Variants in PMS2 observed in about 807,000 individuals in gnomAD.
The protein encoded by PMS2 is mismatch repair endonuclease PMS2.
A neutral mutation model predicts 90.0 loss-of-function variants in PMS2; 69 were observed. The ratio of observed to expected loss-of-function variants is 0.77; its 90% confidence interval spans 0.63 to 0.94. The LOEUF (loss-of-function observed/expected upper bound fraction) is 0.94, where lower values mean the gene tolerates loss of function less well. Ranked by LOEUF, PMS2 falls within the 40% of genes least tolerant of loss-of-function variation. The probability of loss-of-function intolerance (pLI) is 0.00; values close to 1 mark genes in which losing one functional copy is unlikely to be tolerated. For missense variants in PMS2, 966 were observed against 1,040.2 expected (o/e 0.93, Z 0.98); for synonymous variants, 332 against 375.1 (o/e 0.89, Z 1.33).
chr7:5,999,003 A>T, intron 6 of PMS2, 105 bp downstream of exon 6: 1 of 1,264,156 alleles, frequency 7.9e-7, no homozygotes, highest in Non-Finnish European at 1.1e-6. Context: ...AAAAAAAAAA[A>T]AATCAATTCT....
At position 5,994,120 on chromosome 7, in the gene PMS2, C is replaced by T. The variant is rs543480352; in HGVS notation, c.903+1414G>A. Among the ~76,000 whole-genome samples, 8 of 151,766 alleles carry T rather than the reference C, an allele frequency of 5.3e-5. No individual in the cohort carries two copies. The South Asian group carries it at 8.3e-4, about 16-fold the overall frequency. On this transcript the variant is annotated intron_variant, in intron 8 of 14. Transcript: ENST00000265849. The stretch of plus-strand genomic sequence containing the variant: ...TACAGAGGCCAGGCGCGGTGGTTCA[C>T]GCCTGTAATCCCAGCACTTCGGGAG...
chr7:6,007,242 A>G (rs960294666), intron 1 of PMS2, among the ~76,000 whole-genome samples: 29 of 151,900 alleles, frequency 1.9e-4, no homozygotes, highest in Admixed American at 1.8e-3. Context: ...CAGCCTCCCA[A>G]GTAGCTGGGA....
chr7:6,000,976 G>A (rs545101223), intron 5 of PMS2, among the ~76,000 whole-genome samples: 1 of 152,154 alleles, frequency 6.6e-6, no homozygotes, highest in Non-Finnish European at 1.5e-5. Context: ...GGGCGACAGA[G>A]TGAGAAGACT....
rs138387687 is a variant in PMS2, at chr7:5,987,522, C to A, written c.1243G>T (p.Val415Leu). 9.9e-6 allele frequency: 16 copies of A among 1,614,136 alleles called. No homozygotes were observed. Among genetic ancestry groups the A allele is most frequent in the African/African-American group, 4.0e-5 (3 of 75,036 alleles). The change falls in exon 11 of 15, where the codon GTG becomes TTG. Residue 415 changes from valine (V) to leucine (L), a missense_variant. Around this residue, in one of 2 missense-constraint regions of PMS2, gnomAD observed 871 missense variants for 802.4 expected, o/e 1.09. Coordinates refer to ENST00000265849, the MANE Select transcript of PMS2 (RefSeq NM_000535.7). The stretch of plus-strand genomic sequence containing the variant: ...GCCTCTCGCAGTCTGGAAATGGACA[C>A]GTCTTTTTTTTCTTCTCCAGTCCTT... The part of the protein sequence containing the change: ...SLRTGEEKKD[V>L]SISRLREAFS...
chr7:6,009,056 G>A (rs1027005255), upstream of PMS2: 11 of 1,611,056 alleles, frequency 6.8e-6, no homozygotes, highest in African/African-American at 1.1e-4. Context: ...GACTGGGAAA[G>A]TTCCCTCCAG....
Position 5,978,633 on chromosome 7 carries a change from A to G in PMS2, c.2238T>C (p.Phe746=), listed in dbSNP as rs2128682695. ...TAACAAAATCAAAGCCATTCTTTCT[A>G]AATATTTCCAGATTTTCTATCAGAA... ...EAVLIENLEI[F]RKNGFDFVID... The change falls in exon 13 of 15, where the codon TTT becomes TTC. Residue 746 remains phenylalanine (F), a synonymous_variant. Transcript: ENST00000265849. 2.5e-6 allele frequency: 4 copies of G among 1,604,314 alleles called. 1 individual carries two copies. The highest frequency in any genetic ancestry group is 3.4e-6 in the Non-Finnish European group (4 of 1,173,644).
At chr7:5,989,398 A>C (rs1359496853) in intron 10 of PMS2, among the ~76,000 whole-genome samples, 1 of 152,118 alleles carries the variant, frequency 6.6e-6, no homozygotes, top group Non-Finnish European at 1.5e-5. Context: ...GCATCATTGC[A>C]CTCCAGCCTG....
intron 8 of PMS2, among the ~76,000 whole-genome samples, chr7:5,994,115 G>A (rs1315347888): frequency 6.6e-6 from 1 of 152,064 alleles, no homozygotes. Context: ...AGGCGCGGTG[G>A]TTCACGCCTG....
chr7:5,977,057 T>G (rs1467724584), intron 14 of PMS2, among the ~76,000 whole-genome samples: 4 of 141,200 alleles, frequency 2.8e-5, no homozygotes, highest in Non-Finnish European at 6.3e-5. Context: ...GAATTCTGGG[T>G]TTTTTTTGTT....
rs763954903 is a variant in PMS2 at position 5,987,460 on chromosome 7, G to C, written c.1305C>G (p.His435Gln). The change falls in exon 11 of 15, where the codon CAC (histidine) becomes CAG (glutamine). Residue 435 changes from histidine (H) to glutamine (Q), a missense_variant. This residue lies in a region of PMS2 where 871 missense variants were observed against 802.4 expected (regional missense o/e 1.09). Coordinates refer to ENST00000265849, the MANE Select transcript of PMS2 (RefSeq NM_000535.7). The stretch of plus-strand genomic sequence containing the variant: ...TTCTTGGTTCTGGAGTCTTTGGGCT[G>C]TGAGGCTTGTTCTCTGTTGTGTGAC... ...SLRHTTENKP[H>Q]SPKTPEPRRS... 6.2e-7 allele frequency: 1 copy of C among 1,614,020 alleles called. No homozygotes were observed. Among genetic ancestry groups the C allele is most frequent in the East Asian group, 2.2e-5 (1 of 44,890 alleles).
chr7:6,006,086 C>T (rs2128848036), intron 1 of PMS2, 55 bp from the exon 2 acceptor site: 1 of 1,585,480 alleles, frequency 6.3e-7, no homozygotes, highest in Admixed American at 1.7e-5. Flanking sequence ...TATTTTCATC[C>T]TGATTTTAAC....
At chr7:5,983,756 A>G (rs1307399875) in intron 11 of PMS2, among the ~76,000 whole-genome samples, 2 of 151,132 alleles carry the variant, frequency 1.3e-5, no homozygotes, top group Non-Finnish European at 2.9e-5. Flanking sequence ...GGTTCGAGCG[A>G]TTCTCCTGCC....
Position 5,989,784 on chromosome 7 carries a change from A to T in PMS2, c.1144+16T>A, listed in dbSNP as rs576317272. 6.2e-7 allele frequency: 1 copy of T among 1,603,006 alleles called. No individual in the cohort carries two copies. Among genetic ancestry groups the T allele is most frequent in the Non-Finnish European group, 8.5e-7 (1 of 1,170,650 alleles). The stretch of plus-strand genomic sequence containing the variant: ...TAAAAGCTTTAGAAGCTGTTTGTAC[A>T]CTGTATTTTTCTTACCTTCAACATC... On this transcript the variant is annotated intron_variant, in intron 10 of 14. Transcript: ENST00000265849.
At chr7:5,996,712 T>C (rs1478453307) in intron 7 of PMS2, among the ~76,000 whole-genome samples, 4 of 151,658 alleles carry the variant, frequency 2.6e-5, no homozygotes, top group South Asian at 4.2e-4. Flanking sequence ...CTTCATCAGA[T>C]GCCAGGAAAG....
chr7:6,002,695 A>G, intron 4 of PMS2, 59 bp from the exon 5 acceptor site: 3 of 1,302,582 alleles, frequency 2.3e-6, no homozygotes, highest in Non-Finnish European at 3.3e-6. Flanking sequence ...TTGGGCACTG[A>G]CTACTCTTTT....
chr7:5,998,077 GTTTTTTT>G (rs1181173881), intron 6 of PMS2, among the ~76,000 whole-genome samples: 1 of 130,864 alleles, frequency 7.6e-6, no homozygotes, highest in Non-Finnish European at 1.6e-5. Flanking sequence ...TAGGTACTTT[GTTTTTTT>G]TTTTTTTTTT....
rs577236083 is a variant in PMS2 at position 6,007,272 on chromosome 7, C to T, written c.24-1241G>A. Among the ~76,000 whole-genome samples the T allele has an allele frequency of 2.3e-4, 35 of 152,128 alleles. No homozygotes were observed. In the South Asian group the frequency reaches 7.3e-3, roughly 32 times the overall value. On this transcript the variant is annotated intron_variant, in intron 1 of 14. Coordinates refer to ENST00000265849, the MANE Select transcript of PMS2 (RefSeq NM_000535.7). ...CTGGGATTACAGGCGCCCACCATCA[C>T]ACCCAGCTAATTTTTGTGTTTTTAG...
In PMS2 at chr7:6,009,040, C is replaced by T; in HGVS notation, c.-21G>A. 1.9e-6 allele frequency: 3 copies of T among 1,612,396 alleles called. No homozygotes were observed. The highest frequency in any genetic ancestry group is 2.5e-6 in the Non-Finnish European group (3 of 1,179,764). ...TCCATGGATGCAACACCCGATCCGC[C>T]TCGGGGACTGGGAAAGTTCCCTCCA... On this transcript the variant is annotated 5_prime_UTR_variant, in exon 1 of 15. Coordinates refer to ENST00000265849, the MANE Select transcript of PMS2 (RefSeq NM_000535.7).
rs1473863380 is a variant in PMS2 at position 6,002,417 on chromosome 7, C to G, written c.537+36G>C. 18 of 1,363,304 alleles carry G rather than the reference C, an allele frequency of 1.3e-5. No homozygotes were observed. The South Asian group carries it at 1.5e-4, about 11-fold the overall frequency. The allele number at this position is 1,363,304 out of a possible 1,614,324, so 84.5% of individuals were successfully genotyped here. A position where few individuals can be genotyped will look rare whatever the true frequency, so the allele number is the denominator to read the frequency against. ...TAAATCTTTTGCTCATGTGCATTAA[C>G]CAATACTCTTGAAAACCAGGATTAA... On this transcript the variant is annotated intron_variant, in intron 5 of 14. Transcript: ENST00000265849.
Sources: gnomAD v4.1 joint callset for allele counts (sites outside exome capture counted in the v4.1 genomes callset) on GRCh38, gnomAD v4.1.1 for gene constraint, gnomAD v4.1.1 regional missense constraint, MANE v1.5 for transcripts, NCBI Gene and HGNC (gene_info 2026-07-23, HGNC 2026-07-21) for gene names.